Variants in TGFBRAP1 observed in about 807,000 individuals in gnomAD.
TGFBRAP1 encodes transforming growth factor beta receptor associated protein 1, also known as transforming growth factor-beta receptor-associated protein 1.
In TGFBRAP1, 20 loss-of-function variants were observed where a neutral mutation model predicts 83.2. That is an observed-to-expected ratio of 0.24 (90% CI 0.17 to 0.35). The LOEUF (loss-of-function observed/expected upper bound fraction) is 0.35, where lower values mean the gene tolerates loss of function less well. TGFBRAP1 is among the 10% of genes least tolerant of loss of function. TGFBRAP1 has a pLI of 1.00. For missense variants in TGFBRAP1, 950 were observed against 1,099.4 expected, an observed-to-expected ratio of 0.86 and a Z score of 1.92; for synonymous variants, 415 against 459.8, an observed-to-expected ratio of 0.90 and a Z score of 1.25.
chr2:105,291,313 C>T (rs1038291067), intron 4 of TGFBRAP1, among the ~76,000 whole-genome samples: 2 of 152,148 alleles, frequency 1.3e-5, no homozygotes, highest in African/African-American at 4.8e-5. Context: ...CCCCAGACTC[C>T]AAACGTACAG....
chr2:105,309,148 G>A (rs529943649), intron 1 of TGFBRAP1, among the ~76,000 whole-genome samples: 1 of 152,328 alleles, frequency 6.6e-6, no homozygotes, highest in Admixed American at 6.5e-5. Context: ...GAGAACTGTG[G>A]CTTCACACTC....
chr2:105,271,695 G>A (rs1346653027), intron 10 of TGFBRAP1, among the ~76,000 whole-genome samples: 1 of 152,178 alleles, frequency 6.6e-6, no homozygotes, highest in African/African-American at 2.4e-5. Flanking sequence ...CAGCCTCAGC[G>A]TTTCAACCTA....
At chr2:105,311,913 A>C (rs1678707604) in intron 1 of TGFBRAP1, among the ~76,000 whole-genome samples, 1 of 152,272 alleles carries the variant, frequency 6.6e-6, no homozygotes, top group Admixed American at 6.5e-5. Flanking sequence ...CATCTCAAAA[A>C]AAAAAAATTA....
intron 1 of TGFBRAP1, among the ~76,000 whole-genome samples, chr2:105,310,351 G>A (rs1678651006): frequency 6.6e-6 from 1 of 152,114 alleles, no homozygotes; most frequent in African/African-American, 2.4e-5. Context: ...GGCACCAAGA[G>A]ATTAGACTAT....
intron 1 of TGFBRAP1, among the ~76,000 whole-genome samples, chr2:105,315,401 A>G (rs1380786346): frequency 6.6e-6 from 1 of 152,232 alleles, no homozygotes; most frequent in Non-Finnish European, 1.5e-5. Context: ...TAATACTACA[A>G]TAATTAAGAC....
intron 4 of TGFBRAP1, among the ~76,000 whole-genome samples, chr2:105,287,649 C>T (rs1280590812): frequency 6.6e-6 from 1 of 152,110 alleles, no homozygotes; most frequent in Non-Finnish European, 1.5e-5. Flanking sequence ...TAAGAGAGTG[C>T]AGCTGGGTGT....
At chr2:105,278,076 G>GTCTCAAAAAATATA (rs1558632196) in intron 6 of TGFBRAP1, among the ~76,000 whole-genome samples, 1 of 35,234 alleles carries the variant, frequency 2.8e-5, no homozygotes, top group Non-Finnish European at 9.4e-5. Context: ...ATATGTGTGT[G>GTCTCAAAAAATATA]TGTGTGTGTG....
intron 4 of TGFBRAP1, among the ~76,000 whole-genome samples, chr2:105,291,997 T>G (rs1677932176): frequency 6.6e-6 from 1 of 152,172 alleles, no homozygotes; most frequent in Admixed American, 6.5e-5. Context: ...GAAAGATGAG[T>G]GGAGGATTTT....
At chr2:105,268,338 T>TA (rs1677019525) in intron 11 of TGFBRAP1, among the ~76,000 whole-genome samples, 2 of 152,050 alleles carry the variant, frequency 1.3e-5, no homozygotes, top group South Asian at 4.1e-4. Flanking sequence ...CAAACTCTAA[T>TA]AGTAGCGGGT....
intron 1 of TGFBRAP1, among the ~76,000 whole-genome samples, chr2:105,318,423 T>C (rs1241212888): frequency 2.0e-5 from 3 of 152,218 alleles, no homozygotes; most frequent in African/African-American, 7.2e-5. Flanking sequence ...TTATACAGAT[T>C]ACAAATATAT....
the TGFBRAP1 span, among the ~76,000 whole-genome samples, chr2:105,258,881 G>A: frequency 3.3e-5 from 5 of 152,230 alleles, no homozygotes; most frequent in South Asian, 2.1e-4. Context: ...CTTCCCTGTC[G>A]GTTGCTGCTT....
At chr2:105,305,254 C>G (rs1365490795) in intron 2 of TGFBRAP1, among the ~76,000 whole-genome samples, 1 of 152,148 alleles carries the variant, frequency 6.6e-6, no homozygotes, top group Non-Finnish European at 1.5e-5. Context: ...TAGTTCATGA[C>G]AGGAATTCGT....
chr2:105,286,172 G>A (rs1286769462), intron 4 of TGFBRAP1, among the ~76,000 whole-genome samples: 1 of 152,166 alleles, frequency 6.6e-6, no homozygotes, highest in Non-Finnish European at 1.5e-5. Flanking sequence ...CCAAGAATAA[G>A]GGGTTATTTT....
intron 2 of TGFBRAP1, among the ~76,000 whole-genome samples, chr2:105,305,375 C>T (rs1215116093): frequency 6.6e-6 from 1 of 152,196 alleles, no homozygotes; most frequent in African/African-American, 2.4e-5. Flanking sequence ...TCACCAGCAT[C>T]CCTGTACCAT....
At chr2:105,262,272 C>T (rs371453213), downstream of TGFBRAP1, among the ~76,000 whole-genome samples, 11 of 152,212 alleles carry the variant, frequency 7.2e-5, no homozygotes, top group East Asian at 1.4e-3. Context: ...GGGGACGAAT[C>T]CCTCACGAAT....
chr2:105,269,263 A>T lies in TGFBRAP1; in HGVS notation c.2406+9T>A, dbSNP rs369593920. The T allele has an allele frequency of 8.9e-5, 141 of 1,582,560 alleles. No homozygotes were observed. In the African/African-American group the frequency reaches 1.7e-3, roughly 19 times the overall value. On this transcript the variant is annotated intron_variant, in intron 11 of 11. Coordinates refer to ENST00000393359, the MANE Select transcript of TGFBRAP1 (RefSeq NM_004257.6). This position sits in a 1 kb window ranked among gnomAD's most constrained non-coding sequence, Gnocchi z 4.1. Reference sequence around the variant, plus strand: ...GACCAGGAAGCAGCTCGTGGGGGCCAGCACTTACCTTATCGTAGGTGTAGA... The same window carrying T: ...GACCAGGAAGCAGCTCGTGGGGGCCTGCACTTACCTTATCGTAGGTGTAGA...
chr2:105,292,478 G>C (rs1287304791), intron 4 of TGFBRAP1, among the ~76,000 whole-genome samples: 1 of 151,866 alleles, frequency 6.6e-6, no homozygotes, highest in Admixed American at 6.6e-5. Context: ...CCAAAAAAGA[G>C]AACATAAAGG....
the TGFBRAP1 span, among the ~76,000 whole-genome samples, chr2:105,257,610 T>C: frequency 1.3e-5 from 2 of 152,078 alleles, no homozygotes; most frequent in Non-Finnish European, 1.5e-5. Flanking sequence ...TTTTTCACAC[T>C]GAATAATATT....
rs183096308 is a variant in TGFBRAP1 at position 105,310,927 on chromosome 2, G to A, written c.-17-2609C>T. On this transcript the variant is annotated intron_variant, in intron 1 of 11. Coordinates refer to ENST00000393359, the MANE Select transcript of TGFBRAP1 (RefSeq NM_004257.6). Reference sequence around the variant, plus strand: ...AAATATAAATTGTGTCTCCCTTTGCGGAAGGAATAGAGAAACAAACTCTGG... The same window carrying A: ...AAATATAAATTGTGTCTCCCTTTGCAGAAGGAATAGAGAAACAAACTCTGG... Among the ~76,000 whole-genome samples the A allele has an allele frequency of 2.3e-3, 343 of 152,092 alleles. 3 individuals are homozygous for A. The highest frequency in any genetic ancestry group is 7.7e-3 in the African/African-American group (318 of 41,488).
Sources: allele counts gnomAD v4.1 joint callset (sites outside exome capture counted in the v4.1 genomes callset), GRCh38; gene constraint gnomAD v4.1.1; non-coding constraint Gnocchi (gnomAD v3.1); transcripts MANE v1.5; gene names NCBI Gene and HGNC (gene_info 2026-07-23, HGNC 2026-07-21).